Variants in RYR1 observed in about 807,000 individuals in gnomAD.
RYR1 encodes central core disease of muscle.
Under a neutral mutation model 583.5 loss-of-function variants are expected in RYR1, and 342 were observed. The observed-to-expected ratio is 0.59, with a 90% CI of 0.54 to 0.64. The LOEUF (loss-of-function observed/expected upper bound fraction) is 0.64, where lower values mean the gene tolerates loss of function less well. RYR1 is among the 30% of genes least tolerant of loss of function. The pLI is 0.00. For missense variants in RYR1, 6,032 were observed against 6,917.2 expected, an observed-to-expected ratio of 0.87 and a Z score of 4.54; for synonymous variants, 2,791 against 2,822.5, an observed-to-expected ratio of 0.99 and a Z score of 0.35.
chr19:38,433,755 C>CA lies in RYR1; in HGVS notation c.-74dup. The CA allele has an allele frequency of 1.4e-6, 1 of 709,484 alleles. No individual in the cohort carries two copies. The highest frequency in any genetic ancestry group is 1.9e-5 in the Admixed American group (1 of 53,852). The allele number at this position is 709,484 out of a possible 1,614,324, so 43.9% of individuals were successfully genotyped here. A position where few individuals can be genotyped will look rare whatever the true frequency, so the allele number is the denominator to read the frequency against. ...GAGGTCTCCGACCCCAGCCCGCCCC[C>CA]AGCCCTCCCGCCCAGCCCGCAGCCC... On this transcript the variant is annotated 5_prime_UTR_variant, in exon 1 of 106. Coordinates refer to ENST00000359596, the MANE Select transcript of RYR1 (RefSeq NM_000540.3).
At position 38,552,679 on chromosome 19, in the gene RYR1, A is replaced by G. The variant is rs113192159; in HGVS notation, c.12282+4259A>G. 4.4e-3 allele frequency among the ~76,000 whole-genome samples: 664 copies of G among 152,346 alleles called. 5 individuals are homozygous for G. Among genetic ancestry groups the G allele is most frequent in the African/African-American group, 0.015 (626 of 41,592 alleles). ...GTTAGACCTCAGGCGGTCTGGCCTCAGAGTACACTGCCTTCAGATTCATCT... is the reference window on the plus strand; with the variant it reads ...GTTAGACCTCAGGCGGTCTGGCCTCGGAGTACACTGCCTTCAGATTCATCT... On this transcript the variant is annotated intron_variant, in intron 89 of 105. Coordinates refer to ENST00000359596, the MANE Select transcript of RYR1 (RefSeq NM_000540.3).
intron 33 of RYR1, among the ~76,000 whole-genome samples, chr19:38,485,066 G>T (rs191571905): frequency 6.6e-6 from 1 of 152,110 alleles, no homozygotes; most frequent in Admixed American, 6.6e-5. Flanking sequence ...AAACAAAACA[G>T]GCAGAAATGT....
At chr19:38,465,216 A>G (rs1389984642) in intron 23 of RYR1, among the ~76,000 whole-genome samples, 1 of 152,062 alleles carries the variant, frequency 6.6e-6, no homozygotes, top group Non-Finnish European at 1.5e-5. Context: ...CACACCTGTA[A>G]TCCCAGCACT....
chr19:38,446,578 G>C lies in RYR1; in HGVS notation c.725+13G>C. Reference sequence around the variant, plus strand: ...ATGACCAGCGCAGGTCTGGGCTGTGGACGAGAGGGCCTGGGGTCTAGGGGT... The same window carrying C: ...ATGACCAGCGCAGGTCTGGGCTGTGCACGAGAGGGCCTGGGGTCTAGGGGT... On this transcript the variant is annotated intron_variant, in intron 8 of 105. Transcript: ENST00000359596. 6.2e-7 allele frequency: 1 copy of C among 1,612,548 alleles called. No individual in the cohort carries two copies. Among genetic ancestry groups the C allele is most frequent in the Non-Finnish European group, 8.5e-7 (1 of 1,178,496 alleles).
chr19:38,505,754 C>T (rs1300626466), intron 53 of RYR1, 52 bp from the exon 54 acceptor site: 1 of 1,610,162 alleles, frequency 6.2e-7, no homozygotes, highest in Non-Finnish European at 8.5e-7. Flanking sequence ...GTCCTTCCTC[C>T]ACCCCTCTCT....
At chr19:38,472,817 C>T (rs995796227) in intron 27 of RYR1, among the ~76,000 whole-genome samples, 16 of 127,370 alleles carry the variant, frequency 1.3e-4, no homozygotes, top group Non-Finnish European at 2.1e-4. Context: ...GCCTGGGTGA[C>T]AGAGCAAGAC....
intron 69 of RYR1, 168 bp downstream of exon 69, chr19:38,523,477 TTCC>T: frequency 1.4e-6 from 1 of 697,238 alleles, no homozygotes; most frequent in Non-Finnish European, 2.5e-6. Context: ...CCCCAGCTCC[TTCC>T]TCCTCCTGTA....
At chr19:38,467,983 C>T in intron 25 of RYR1, 171 bp downstream of exon 25, 1 of 652,166 alleles carries the variant, frequency 1.5e-6, no homozygotes, top group South Asian at 1.8e-5. Context: ...TCCATCCATC[C>T]ATCCATCGAT....
chr19:38,536,820 A>C, intron 83 of RYR1, 53 bp downstream of exon 83: 4 of 1,558,468 alleles, frequency 2.6e-6, no homozygotes, highest in Non-Finnish European at 3.5e-6. Context: ...ACCCCTCCTA[A>C]CCCCGTCCAC....
rs375626634 is a variant in RYR1, at chr19:38,517,431, T to C, written c.9758T>C (p.Ile3253Thr). 2.5e-5 allele frequency: 40 copies of C among 1,613,914 alleles called. No individual in the cohort carries two copies. Among genetic ancestry groups the C allele is most frequent in the Middle Eastern group, 1.7e-4 (1 of 6,058 alleles). Residue 3253 changes from isoleucine to threonine, a missense_variant, in exon 66 of 106, where the codon ATT becomes ACT. Transcript: ENST00000359596. Reference sequence around the variant, plus strand: ...GTGCTGGAGCGGCTCATGGCAGACATTGGGGGGCTGGCCGAGTCAGGTGCC... The same window carrying C: ...GTGCTGGAGCGGCTCATGGCAGACACTGGGGGGCTGGCCGAGTCAGGTGCC... Reference protein sequence around the residue: ...IPVLERLMADIGGLAESGARY... With the variant: ...IPVLERLMADTGGLAESGARY...
chr19:38,440,729 C>T lies in RYR1; in HGVS notation c.46-16C>T. 6.2e-7 allele frequency: 1 copy of T among 1,603,966 alleles called. No homozygotes were observed. The highest frequency in any genetic ancestry group is 8.5e-7 in the Non-Finnish European group (1 of 1,174,330). ...GGGCCAGGCCCCCCTGGAGACGCTG[C>T]CCCTCGGTTCCGCAGGACGATGAGG... On this transcript the variant is annotated splice_polypyrimidine_tract_variant and intron_variant, in intron 1 of 105. Coordinates refer to ENST00000359596, the MANE Select transcript of RYR1 (RefSeq NM_000540.3).
At chr19:38,505,503 C>G in intron 53 of RYR1, 105 bp downstream of exon 53, 1 of 886,582 alleles carries the variant, frequency 1.1e-6, no homozygotes, top group South Asian at 1.4e-5. Context: ...CTAGGTGGAT[C>G]TGTGGGTTAG....
At chr19:38,497,794 G>A (rs913564735) in intron 42 of RYR1, among the ~76,000 whole-genome samples, 2 of 151,950 alleles carry the variant, frequency 1.3e-5, no homozygotes, top group African/African-American at 4.8e-5. Flanking sequence ...GACAATATAG[G>A]GACACCTTGT....
chr19:38,503,016 C>T (rs1195627409), intron 49 of RYR1, 46 bp downstream of exon 49: 3 of 1,579,532 alleles, frequency 1.9e-6, no homozygotes, highest in Non-Finnish European at 8.6e-7. Context: ...GCCGCACCCA[C>T]TGGTTTGCTC....
Position 38,515,068 on chromosome 19 carries a change from T to C in RYR1, c.9515T>C (p.Ile3172Thr), listed in dbSNP as rs757446719. 1.2e-6 allele frequency: 2 copies of C among 1,613,208 alleles called. No homozygotes were observed. The highest frequency in any genetic ancestry group is 1.7e-6 in the Non-Finnish European group (2 of 1,179,862). ...QVSCYRTLCS[I>T]YSLGTTKNTY... ...TCTTGCTACCGAACGCTGTGCAGTA[T>C]CTACTCCCTGGGAACCACCAAGAAC... is the stretch of plus-strand genomic sequence containing the variant. Residue 3172 changes from isoleucine (I) to threonine (T), a missense_variant, in exon 64 of 106, where the codon ATC becomes ACC. Ile to Thr is a moderately conservative substitution (Grantham distance 89). Coordinates refer to ENST00000359596, the MANE Select transcript of RYR1 (RefSeq NM_000540.3).
At chr19:38,560,961 G>C in intron 89 of RYR1, 152 bp from the exon 90 acceptor site, 1 of 692,918 alleles carries the variant, frequency 1.4e-6, no homozygotes, top group Non-Finnish European at 2.4e-6. Flanking sequence ...ATGGGGACGA[G>C]AGGGGATGTC....
At position 38,528,980 on chromosome 19, in the gene RYR1, A is replaced by G. The variant is rs2145724906; in HGVS notation, c.11064A>G (p.Glu3688=). 1.9e-6 allele frequency: 3 copies of G among 1,612,356 alleles called. No individual in the cohort carries two copies. The highest frequency in any genetic ancestry group is 2.5e-6 in the Non-Finnish European group (3 of 1,179,282). Residue 3688 remains glutamate (E), a synonymous_variant, in exon 76 of 106, where the codon GAA becomes GAG. Coordinates refer to ENST00000359596, the MANE Select transcript of RYR1 (RefSeq NM_000540.3). The part of the protein sequence containing the change: ...SKAGEQEEEE[E]EVEEKKPDPL... ...CTGGGGAGCAGGAGGAGGAGGAGGA[A>G]GAGGTGGAAGAGAAGAAGCCAGACC... is the stretch of plus-strand genomic sequence containing the variant.
At chr19:38,480,520 T>C (rs1968956356) in intron 31 of RYR1, among the ~76,000 whole-genome samples, 1 of 152,186 alleles carries the variant, frequency 6.6e-6, no homozygotes, top group South Asian at 2.1e-4. Flanking sequence ...ATCAGATAGT[T>C]TCCTCTGTTT....
chr19:38,493,218 G>A (rs976001493), intron 38 of RYR1, among the ~76,000 whole-genome samples: 9 of 152,180 alleles, frequency 5.9e-5, no homozygotes, highest in African/African-American at 2.2e-4. Flanking sequence ...AACCACTGTG[G>A]CTTCCGTGGC....
Sources: allele counts gnomAD v4.1 joint callset (sites outside exome capture counted in the v4.1 genomes callset), GRCh38; gene constraint gnomAD v4.1.1; transcripts MANE v1.5; gene names NCBI Gene and HGNC (gene_info 2026-07-23, HGNC 2026-07-21).